PTPRD: variants seen among roughly 807,000 people sequenced by gnomAD.
PTPRD encodes the protein receptor-type tyrosine-protein phosphatase delta.
In PTPRD, 34 loss-of-function variants were observed where a neutral mutation model predicts 214.5. The observed-to-expected ratio is 0.16, with a 90% confidence interval of 0.12 to 0.21. The LOEUF (loss-of-function observed/expected upper bound fraction) is 0.21. Ranked by LOEUF, PTPRD falls within the 10% of genes least tolerant of loss-of-function variation. The pLI is 1.00. For missense variants in PTPRD, 2,545 were observed against 2,398.7 expected, an observed-to-expected ratio of 1.06 and a Z score of -1.27; for synonymous variants, 1,128 against 845.7, an observed-to-expected ratio of 1.33 and a Z score of -5.79.
chr9:8,741,535 A>C (rs2091917430), intron 11 of PTPRD, among the ~76,000 whole-genome samples: 1 of 143,722 alleles, frequency 7.0e-6, no homozygotes, highest in South Asian at 2.2e-4. Flanking sequence ...CAAACAGAAC[A>C]TGGATTCTAT....
At chr9:9,328,381 G>A (rs2040877100) in intron 9 of PTPRD, among the ~76,000 whole-genome samples, 1 of 151,884 alleles carries the variant, frequency 6.6e-6, no homozygotes, top group Admixed American at 6.6e-5. Flanking sequence ...TTCATATCAG[G>A]ATCTTTAAAG....
At chr9:8,811,926 G>C (rs573250442) in intron 11 of PTPRD, among the ~76,000 whole-genome samples, 1 of 152,158 alleles carries the variant, frequency 6.6e-6, no homozygotes, top group Admixed American at 6.5e-5. Context: ...CTTGAGGCTT[G>C]TGAGGCCTGA....
intron 2 of PTPRD, among the ~76,000 whole-genome samples, chr9:10,368,668 C>T (rs1054885075): frequency 2.6e-4 from 40 of 152,066 alleles, no homozygotes; most frequent in African/African-American, 7.7e-4. Flanking sequence ...ATATTAATCT[C>T]ACTTATGGGA....
At chr9:9,855,682 C>T (rs2061419961) in intron 5 of PTPRD, among the ~76,000 whole-genome samples, 1 of 152,178 alleles carries the variant, frequency 6.6e-6, no homozygotes, top group Admixed American at 6.5e-5. Flanking sequence ...GTGAACTCCA[C>T]CCCTCCAGGA....
chr9:9,603,665 G>C (rs2093943733), intron 7 of PTPRD, among the ~76,000 whole-genome samples: 1 of 152,082 alleles, frequency 6.6e-6, no homozygotes, highest in Non-Finnish European at 1.5e-5. Flanking sequence ...CTCCTTATGA[G>C]AATCTAATGC....
At chr9:9,249,840 A>C (rs1319281076) in intron 9 of PTPRD, among the ~76,000 whole-genome samples, 2 of 152,104 alleles carry the variant, frequency 1.3e-5, no homozygotes, top group Non-Finnish European at 2.9e-5. Context: ...GATGAAAAGA[A>C]AGGATTAAAT....
At chr9:9,019,639 G>A (rs1311605270) in intron 10 of PTPRD, among the ~76,000 whole-genome samples, 1 of 152,174 alleles carries the variant, frequency 6.6e-6, no homozygotes, top group Non-Finnish European at 1.5e-5. Context: ...CCAGGAGGCG[G>A]AGGTTGCGGT....
chr9:8,621,349 C>T lies in PTPRD; in HGVS notation c.352+11968G>A, dbSNP rs192376721. ...CAGGCTTGTGTAAAAGACATCACAT[C>T]AGCATTTCACCATTATGCGGTAAAG... On this transcript the variant is annotated intron_variant, in intron 14 of 45. Coordinates refer to ENST00000381196, the MANE Select transcript of PTPRD (RefSeq NM_002839.4). Among the ~76,000 whole-genome samples, 42 of 152,070 alleles carry T rather than the reference C, an allele frequency of 2.8e-4. 1 individual carries two copies. The highest frequency in any genetic ancestry group is 1.5e-3 in the South Asian group (7 of 4,820).
chr9:8,678,938 T>C (rs2154370761), intron 12 of PTPRD, among the ~76,000 whole-genome samples: 1 of 152,270 alleles, frequency 6.6e-6, no homozygotes, highest in East Asian at 1.9e-4. Context: ...TTCATGCAAA[T>C]ATGCATTAAT....
At chr9:9,073,157 T>A (rs1302765988) in intron 10 of PTPRD, among the ~76,000 whole-genome samples, 2 of 152,196 alleles carry the variant, frequency 1.3e-5, no homozygotes, top group Admixed American at 1.3e-4. Flanking sequence ...AGGTTCCTCT[T>A]GGAAACCACC....
chr9:8,723,953 C>T (rs186438381), intron 12 of PTPRD, among the ~76,000 whole-genome samples: 21 of 152,234 alleles, frequency 1.4e-4, no homozygotes, highest in Admixed American at 1.2e-3. Flanking sequence ...ATAACTGCCA[C>T]AGTACTATGT....
chr9:8,590,924 A>T (rs991647843), intron 14 of PTPRD, among the ~76,000 whole-genome samples: 1 of 152,146 alleles, frequency 6.6e-6, no homozygotes, highest in Non-Finnish European at 1.5e-5. Context: ...GGTTAGACTG[A>T]GGTGTCAGCA....
chr9:8,723,001 C>T (rs149758554), intron 12 of PTPRD, among the ~76,000 whole-genome samples: 6 of 152,222 alleles, frequency 3.9e-5, no homozygotes, highest in African/African-American at 1.4e-4. Flanking sequence ...AAAATATATA[C>T]ACATTTTGTC....
chr9:9,860,885 T>C (rs561863863), intron 5 of PTPRD, among the ~76,000 whole-genome samples: 1 of 152,298 alleles, frequency 6.6e-6, no homozygotes, highest in African/African-American at 2.4e-5. Context: ...ATCACAAAAT[T>C]GCTATACTCA....
At chr9:9,115,341 A>G (rs1230878019) in intron 10 of PTPRD, among the ~76,000 whole-genome samples, 1 of 152,158 alleles carries the variant, frequency 6.6e-6, no homozygotes, top group East Asian at 1.9e-4. Context: ...CATTTCTCAA[A>G]AGAAGATAAA....
chr9:8,645,348 T>A (rs955209447), intron 12 of PTPRD, among the ~76,000 whole-genome samples: 12 of 152,234 alleles, frequency 7.9e-5, no homozygotes, highest in African/African-American at 2.9e-4. Context: ...TTTAGCATGG[T>A]AGGCTACTTT....
intron 9 of PTPRD, among the ~76,000 whole-genome samples, chr9:9,368,860 C>T (rs2058623942): frequency 6.6e-6 from 1 of 151,816 alleles, no homozygotes; most frequent in South Asian, 2.1e-4. Flanking sequence ...CACCCATTAA[C>T]TCGTGTCGTC....
At chr9:10,360,088 T>C (rs546371186) in intron 2 of PTPRD, among the ~76,000 whole-genome samples, 3 of 152,338 alleles carry the variant, frequency 2.0e-5, no homozygotes, top group African/African-American at 4.8e-5. Context: ...TAGAGTTCTA[T>C]ATAACTATTG....
chr9:9,164,944 T>G (rs985299609), intron 10 of PTPRD, among the ~76,000 whole-genome samples: 2 of 151,938 alleles, frequency 1.3e-5, no homozygotes, highest in African/African-American at 2.4e-5. Flanking sequence ...TCCCAGCTAC[T>G]TGGGAGGCTG....
Sources: gnomAD v4.1 joint callset for allele counts (sites outside exome capture counted in the v4.1 genomes callset) on GRCh38, gnomAD v4.1.1 for gene constraint, MANE v1.5 for transcripts, NCBI Gene and HGNC (gene_info 2026-07-23, HGNC 2026-07-21) for gene names.